Variants in ARSB observed in about 807,000 individuals in gnomAD.
ARSB encodes arylsulfatase B, also known as N-acetylgalactosamine-4-sulfatase.
In ARSB, 41 loss-of-function variants were observed where a neutral mutation model predicts 50.9. That is an observed-to-expected ratio of 0.81 (90% CI 0.63 to 1.04). ARSB has a LOEUF of 1.04. Among genes scored for constraint, ARSB ranks in the 50% least tolerant of loss-of-function variants. The probability of loss-of-function intolerance (pLI) is 0.00; values close to 1 mark genes in which losing one functional copy is unlikely to be tolerated. For missense variants in ARSB, 672 were observed against 693.3 expected, an observed-to-expected ratio of 0.97 and a Z score of 0.35; for synonymous variants, 269 against 284.8, an observed-to-expected ratio of 0.94 and a Z score of 0.56.
At chr5:78,889,718 T>C (rs1748194205) in intron 4 of ARSB, among the ~76,000 whole-genome samples, 1 of 152,198 alleles carries the variant, frequency 6.6e-6, no homozygotes, top group Non-Finnish European at 1.5e-5. Flanking sequence ...TATATGACAA[T>C]GAAGCCTCAT....
At chr5:78,868,594 T>A (rs1305385729) in intron 5 of ARSB, among the ~76,000 whole-genome samples, 3 of 145,742 alleles carry the variant, frequency 2.1e-5, no homozygotes, top group South Asian at 2.3e-4. Flanking sequence ...ATAAAATACT[T>A]TACAGACAAG....
At chr5:78,950,263 C>G (rs1561521708) in intron 4 of ARSB, among the ~76,000 whole-genome samples, 1 of 152,128 alleles carries the variant, frequency 6.6e-6, no homozygotes, top group East Asian at 1.9e-4. Context: ...CCAAGATGGA[C>G]AGACAGCTTA....
At chr5:78,826,489 G>T (rs982418934) in intron 6 of ARSB, among the ~76,000 whole-genome samples, 13 of 152,168 alleles carry the variant, frequency 8.5e-5, no homozygotes, top group African/African-American at 2.7e-4. Context: ...GAGACAGGAG[G>T]ATGATAAATA....
intron 4 of ARSB, among the ~76,000 whole-genome samples, chr5:78,932,929 C>T (rs1364657108): frequency 1.3e-5 from 2 of 152,228 alleles, no homozygotes; most frequent in East Asian, 1.9e-4. Flanking sequence ...AGTCTTCTCA[C>T]ACAACTCCAC....
At chr5:78,912,233 G>A (rs1431776071) in intron 4 of ARSB, among the ~76,000 whole-genome samples, 3 of 152,224 alleles carry the variant, frequency 2.0e-5, no homozygotes, top group African/African-American at 7.2e-5. Flanking sequence ...GAAAAAGAGA[G>A]AAGATGGCCT....
At chr5:78,806,889 C>T (rs1429613365) in intron 6 of ARSB, among the ~76,000 whole-genome samples, 2 of 152,200 alleles carry the variant, frequency 1.3e-5, no homozygotes, top group Non-Finnish European at 2.9e-5. Context: ...AAGAACTCTA[C>T]AGTTCCATTT....
chr5:78,923,587 C>A (rs1351548547), intron 4 of ARSB, among the ~76,000 whole-genome samples: 1 of 152,242 alleles, frequency 6.6e-6, no homozygotes, highest in Non-Finnish European at 1.5e-5. Flanking sequence ...CTATGGATCA[C>A]AGTCCCTTAA....
At chr5:78,817,567 G>C (rs181342794) in intron 6 of ARSB, among the ~76,000 whole-genome samples, 273 of 152,254 alleles carry the variant, frequency 1.8e-3, no homozygotes, top group Admixed American at 4.6e-3. Flanking sequence ...CCAGCACTTT[G>C]GGAGGCCAAG....
chr5:78,845,837 A>G (rs527507256), intron 5 of ARSB, among the ~76,000 whole-genome samples: 11 of 152,088 alleles, frequency 7.2e-5, no homozygotes, highest in Non-Finnish European at 1.3e-4. Context: ...CAGGCTGTCT[A>G]TTTGCTCTGT....
intron 4 of ARSB, among the ~76,000 whole-genome samples, chr5:78,943,268 T>G (rs1751029949): frequency 6.6e-6 from 1 of 152,242 alleles, no homozygotes; most frequent in Non-Finnish European, 1.5e-5. Context: ...TTGGAGCATT[T>G]AGCCCATTTA....
chr5:78,943,487 T>C (rs554818798), intron 4 of ARSB, among the ~76,000 whole-genome samples: 15 of 152,352 alleles, frequency 9.8e-5, no homozygotes, highest in African/African-American at 3.1e-4. Flanking sequence ...TGACAAAATC[T>C]CTCAGCATTT....
At chr5:78,801,715 C>T (rs904642365) in intron 6 of ARSB, among the ~76,000 whole-genome samples, 1 of 152,206 alleles carries the variant, frequency 6.6e-6, no homozygotes, top group South Asian at 2.1e-4. Flanking sequence ...CGGTTGGGAG[C>T]ACCACTTCCA....
intron 6 of ARSB, among the ~76,000 whole-genome samples, chr5:78,824,791 G>A (rs1447872134): frequency 2.0e-5 from 3 of 152,026 alleles, no homozygotes; most frequent in Non-Finnish European, 4.4e-5. Flanking sequence ...GTGATTTTCT[G>A]AAGTAGGAAA....
intron 5 of ARSB, chr5:78,884,253 T>C (rs1460491771): frequency 6.6e-6 from 1 of 152,186 alleles, no homozygotes; most frequent in Admixed American, 6.5e-5. Flanking sequence ...TAATTTCAAA[T>C]TTACAAAAAG....
Position 78,985,199 on chromosome 5 carries a change from C to G in ARSB, c.50G>C (p.Arg17Pro). 1 of 1,387,952 alleles carries G rather than the reference C, an allele frequency of 7.2e-7. No homozygotes were observed. Among genetic ancestry groups the G allele is most frequent in the South Asian group, 1.7e-5 (1 of 60,442 alleles). 86.0% of individuals were successfully genotyped at this position (1,387,952 alleles called of 1,614,324 possible). Reference protein sequence around the residue: ...ASLPRGPGPRRLLLPVVLPLL... With the variant: ...ASLPRGPGPRPLLLPVVLPLL... ...CGGGAGGACGACGGGGAGGAGCAGC[C>G]GCCGAGGTCCGGGGCCTCGGGGCAA... Residue 17 changes from arginine (R) to proline (P), a missense_variant, in exon 1 of 8, where the codon CGG (arginine) becomes CCG (proline). Coordinates refer to ENST00000264914, the MANE Select transcript of ARSB (RefSeq NM_000046.5).
At chr5:78,967,274 G>A (rs1171178873) in intron 2 of ARSB, among the ~76,000 whole-genome samples, 1 of 152,126 alleles carries the variant, frequency 6.6e-6, no homozygotes, top group Non-Finnish European at 1.5e-5. Flanking sequence ...AGGCCTAAGA[G>A]CCAGAAAATG....
intron 6 of ARSB, among the ~76,000 whole-genome samples, chr5:78,834,607 G>GTA (rs58773415): frequency 0.11 from 8,929 of 84,922 alleles, 615 homozygotes; most frequent in Non-Finnish European, 0.13. Context: ...ATATATATGT[G>GTA]TATATATATA....
At chr5:78,977,207 G>A (rs937688077) in intron 1 of ARSB, among the ~76,000 whole-genome samples, 3 of 148,182 alleles carry the variant, frequency 2.0e-5, no homozygotes, top group Non-Finnish European at 4.4e-5. Context: ...AGGCTGGAGT[G>A]CAGTGGCGCA....
intron 4 of ARSB, among the ~76,000 whole-genome samples, chr5:78,937,628 A>G (rs1157550194): frequency 1.3e-5 from 2 of 151,726 alleles, no homozygotes; most frequent in African/African-American, 4.8e-5. Context: ...AAAACATTGA[A>G]GATCTGATAA....
Sources: gnomAD v4.1 joint callset for allele counts (sites outside exome capture counted in the v4.1 genomes callset) on GRCh38, gnomAD v4.1.1 for gene constraint, MANE v1.5 for transcripts, NCBI Gene and HGNC (gene_info 2026-07-23, HGNC 2026-07-21) for gene names.